Variants in A3GALT2 observed in about 807,000 individuals in gnomAD.
A3GALT2 encodes the protein alpha 1,3-galactosyltransferase 2, also known as alpha-1,3-galactosyltransferase 2.
In A3GALT2, 14 loss-of-function variants were observed where a neutral mutation model predicts 16.6. That is an observed-to-expected ratio of 0.84 (90% confidence interval 0.56 to 1.32). The LOEUF (loss-of-function observed/expected upper bound fraction) is 1.32. Among genes scored for constraint, A3GALT2 ranks in the 40% most tolerant of loss-of-function variants. The pLI, the probability that A3GALT2 is intolerant of heterozygous loss-of-function variation, is 0.00. For synonymous variants in A3GALT2, 253 were observed against 218.0 expected (o/e 1.16, Z -1.42); for missense variants, 600 against 490.9 (o/e 1.22, Z -2.10).
At chr1:33,310,927 G>A (rs1266275173) in intron 4 of A3GALT2, among the ~76,000 whole-genome samples, 1 of 152,200 alleles carries the variant, frequency 6.6e-6, no homozygotes, top group Admixed American at 6.5e-5. Flanking sequence ...TGGTCCACGG[G>A]GCAGCCCTTG....
intron 4 of A3GALT2, among the ~76,000 whole-genome samples, chr1:33,309,586 CG>C (rs1354338693): frequency 6.9e-6 from 1 of 145,098 alleles, no homozygotes; most frequent in African/African-American, 2.6e-5. Flanking sequence ...ACTTCTCAGA[CG>C]GGGCGGCCGG....
intron 4 of A3GALT2, among the ~76,000 whole-genome samples, chr1:33,311,438 A>AC (rs1272175637): frequency 5.3e-5 from 8 of 151,640 alleles, no homozygotes; most frequent in African/African-American, 1.7e-4. Context: ...TGTGATTACC[A>AC]CCCCCAACCC....
At chr1:33,307,535 C>G in intron 4 of A3GALT2, 82 bp from the exon 5 acceptor site, 1 of 1,167,732 alleles carries the variant, frequency 8.6e-7, no homozygotes, top group Non-Finnish European at 1.1e-6. Context: ...TCTACTCCCA[C>G]CCCACCCTCA....
At chr1:33,311,683 C>T (rs976383968) in intron 4 of A3GALT2, among the ~76,000 whole-genome samples, 10 of 152,192 alleles carry the variant, frequency 6.6e-5, no homozygotes, top group African/African-American at 2.2e-4. Flanking sequence ...TGAATCATCC[C>T]TCTACTTACC....
chr1:33,308,763 T>TTTGTTTTTTG (rs1557806845), intron 4 of A3GALT2, among the ~76,000 whole-genome samples: 1 of 116,658 alleles, frequency 8.6e-6, no homozygotes, highest in South Asian at 2.5e-4. Context: ...TTTTTTTTTT[T>TTTGTTTTTTG]TTTTTTTTTT....
chr1:33,311,906 G>T (rs144927320), intron 4 of A3GALT2, 146 bp downstream of exon 4: 253 of 1,191,728 alleles, frequency 2.1e-4, no homozygotes, highest in Non-Finnish European at 2.7e-4. Flanking sequence ...TCATCTGGGG[G>T]TGTGGGGCAA....
At chr1:33,311,728 G>C (rs1048142895) in intron 4 of A3GALT2, among the ~76,000 whole-genome samples, 2 of 152,146 alleles carry the variant, frequency 1.3e-5, no homozygotes, top group African/African-American at 4.8e-5. Flanking sequence ...ACTCTCACCT[G>C]AAAGACTCCA....
intron 1 of A3GALT2, chr1:33,313,174 A>ATTTT: frequency 1.1e-3 from 7 of 6,500 alleles, no homozygotes; most frequent in South Asian, 2.7e-3. Context: ...TCAGTGACGG[A>ATTTT]GTTTTTTTTT....
At position 33,307,271 on chromosome 1, in the gene A3GALT2, G is replaced by A; in HGVS notation, c.518C>T (p.Ser173Leu). Residue 173 changes from serine to leucine, a missense_variant, in exon 5 of 5, where the codon TCG (serine) becomes TTG (leucine). Transcript: ENST00000442999. ...GTGCAACGTGCGCATGCGCGCCATCGACACGTCTTGCCAGCGCCGCTCGCG... is the reference window on the plus strand; with the variant it reads ...GTGCAACGTGCGCATGCGCGCCATCAACACGTCTTGCCAGCGCCGCTCGCG... ...VARERRWQDV[S>L]MARMRTLHAA... is the part of the protein sequence containing the mutation. The A allele has an allele frequency of 2.1e-6, 3 of 1,456,314 alleles. No individual in the cohort carries two copies. The highest frequency in any genetic ancestry group is 2.7e-6 in the Non-Finnish European group (3 of 1,107,844). 90.2% of individuals were successfully genotyped at this position (1,456,314 alleles called of 1,614,324 possible).
intron 4 of A3GALT2, among the ~76,000 whole-genome samples, chr1:33,311,531 C>T (rs1646232375): frequency 6.6e-6 from 1 of 152,170 alleles, no homozygotes; most frequent in Admixed American, 6.5e-5. Context: ...TCTTCACTTC[C>T]CTCTGCCCAG....
chr1:33,307,543 T>G, intron 4 of A3GALT2, 90 bp from the exon 5 acceptor site: 1 of 823,608 alleles, frequency 1.2e-6, no homozygotes, highest in South Asian at 3.3e-5. Flanking sequence ...CACCCCACCC[T>G]CACCCCCACT....
intron 3 of A3GALT2, among the ~76,000 whole-genome samples, 155 bp downstream of exon 3, chr1:33,312,346 G>A (rs982334852): frequency 1.3e-5 from 2 of 152,242 alleles, no homozygotes; most frequent in African/African-American, 2.4e-5. Flanking sequence ...GCAACACAGA[G>A]GACTGGGAGA....
chr1:33,314,755 C>T (rs1361671156), intron 1 of A3GALT2: 2 of 152,296 alleles, frequency 1.3e-5, no homozygotes, highest in African/African-American at 4.8e-5. Context: ...CTGGTCACTT[C>T]CTCCACAACC....
intron 1 of A3GALT2, chr1:33,314,881 C>G (rs2148162144): frequency 6.6e-6 from 1 of 152,284 alleles, no homozygotes; most frequent in South Asian, 2.1e-4. Flanking sequence ...AATGTTCACC[C>G]TCACTGGCAA....
At position 33,309,646 on chromosome 1, in the gene A3GALT2, G is replaced by A. The variant is rs980356722; in HGVS notation, c.336-2193C>T. ...GACGGGGTGGCGGTCGGGCAGAGACGCTCCTCAGTTCCCAGACGGGGGTCA... is the reference window on the plus strand; with the variant it reads ...GACGGGGTGGCGGTCGGGCAGAGACACTCCTCAGTTCCCAGACGGGGGTCA... On this transcript the variant is annotated intron_variant, in intron 4 of 4. Transcript: ENST00000442999. Among the ~76,000 whole-genome samples, 77 of 150,036 alleles carry A rather than the reference G, an allele frequency of 5.1e-4. 1 individual carries two copies. Among genetic ancestry groups the A allele is most frequent in the East Asian group, 1.0e-3 (5 of 4,986 alleles).
rs1646278537 is a variant in A3GALT2, at chr1:33,320,064, C to T, written c.23+1012G>A. On this transcript the variant is annotated intron_variant, in intron 1 of 4. Coordinates refer to ENST00000442999, the MANE Select transcript of A3GALT2 (RefSeq NM_001080438.1). The surrounding 1 kb of genome is among the most constrained non-coding windows in gnomAD (Gnocchi z 4.3). ...CTGGGCCTAGCTCAGCCCTGAGGCTCATCTCACAAGGTTCTCGGCCCTGTT... is the reference window on the plus strand; with the variant it reads ...CTGGGCCTAGCTCAGCCCTGAGGCTTATCTCACAAGGTTCTCGGCCCTGTT... Among the ~76,000 whole-genome samples the T allele has an allele frequency of 1.3e-5, 2 of 151,942 alleles. No homozygotes were observed. The highest frequency in any genetic ancestry group is 1.3e-4 in the Admixed American group (2 of 15,074).
rs1570422128 is a variant in A3GALT2 at position 33,306,911 on chromosome 1, T to C, written c.878A>G (p.His293Arg). Residue 293 changes from histidine (H) to arginine (R), a missense_variant, in exon 5 of 5, where the codon CAC becomes CGC. By Grantham distance (29) the His-to-Arg change is conservative. Transcript: ENST00000442999. Reference protein sequence around the residue: ...GLEARWHDESHLNKFFWLHKP... With the variant: ...GLEARWHDESRLNKFFWLHKP... ...GTGCAGCCAGAAGAACTTGTTGAGGTGGCTCTCGTCGTGCCAGCGCGCCTC... is the reference window on the plus strand; with the variant it reads ...GTGCAGCCAGAAGAACTTGTTGAGGCGGCTCTCGTCGTGCCAGCGCGCCTC... 6.6e-7 allele frequency: 1 copy of C among 1,522,016 alleles called. No individual in the cohort carries two copies. The highest frequency in any genetic ancestry group is 8.8e-7 in the Non-Finnish European group (1 of 1,140,616). 94.3% of individuals were successfully genotyped at this position (1,522,016 alleles called of 1,614,324 possible).
Position 33,307,347 on chromosome 1 carries a change from G to A in A3GALT2, c.442C>T (p.Pro148Ser). 10 of 1,545,218 alleles carry A rather than the reference G, an allele frequency of 6.5e-6. No homozygotes were observed. Among genetic ancestry groups the A allele is most frequent in the East Asian group, 2.7e-5 (1 of 37,670 alleles). Residue 148 changes from proline to serine, a missense_variant, in exon 5 of 5, where the codon CCC becomes TCC. By Grantham distance (74) the Pro-to-Ser change is moderately conservative (BLOSUM62 -1). Coordinates refer to ENST00000442999, the MANE Select transcript of A3GALT2 (RefSeq NM_001080438.1). ...YVFTELPGAV[P>S]RVALGPGRRL... ...CGTCCCGGGCCCAGCGCCACGCGGGGCACCGCTCCCGGAAGCTCGGTGAAC... is the reference window on the plus strand; with the variant it reads ...CGTCCCGGGCCCAGCGCCACGCGGGACACCGCTCCCGGAAGCTCGGTGAAC...
chr1:33,314,213 C>G (rs77898537), intron 1 of A3GALT2: 3 of 152,156 alleles, frequency 2.0e-5, no homozygotes, highest in Non-Finnish European at 4.4e-5. Flanking sequence ...CGAGTGCCCA[C>G]CACCTTGCCC....
Sources: allele counts gnomAD v4.1 joint callset (sites outside exome capture counted in the v4.1 genomes callset), GRCh38; gene constraint gnomAD v4.1.1; non-coding constraint Gnocchi (gnomAD v3.1); transcripts MANE v1.5; gene names NCBI Gene and HGNC (gene_info 2026-07-23, HGNC 2026-07-21).